SLC4A5: variants seen among roughly 807,000 people sequenced by gnomAD.
The protein encoded by SLC4A5 is electrogenic sodium bicarbonate cotransporter 4.
SLC4A5 carries 96 observed loss-of-function variants against 120.4 expected under a neutral mutation model. The ratio of observed to expected loss-of-function variants is 0.80; its 90% CI spans 0.68 to 0.94. The LOEUF (loss-of-function observed/expected upper bound fraction) is 0.94, where lower values mean the gene tolerates loss of function less well. Among genes scored for constraint, SLC4A5 ranks in the 40% least tolerant of loss-of-function variants. The pLI is 0.00. For synonymous variants in SLC4A5, 550 were observed against 571.1 expected, an observed-to-expected ratio of 0.96 and a Z score of 0.53; for missense variants, 1,259 against 1,459.5, an observed-to-expected ratio of 0.86 and a Z score of 2.24.
chr2:74,332,899 GTCC>G (rs1443270028), intron 4 of SLC4A5, among the ~76,000 whole-genome samples: 4 of 152,136 alleles, frequency 2.6e-5, no homozygotes, highest in African/African-American at 9.7e-5. Context: ...TCTGCTCCCT[GTCC>G]TCTGGCCTCC....
In SLC4A5 at chr2:74,255,719, G is replaced by A; in HGVS notation, c.1025+56C>T. ...CAGTCAACAGCACTGCTTGCTGACT[G>A]CACTGCTGACTGGCTACCTGAGAGT... On this transcript the variant is annotated intron_variant, in intron 13 of 30. Transcript: ENST00000394019. The surrounding 1 kb of genome is among the most constrained non-coding windows in gnomAD (Gnocchi z 4.0). The A allele has an allele frequency of 1.9e-6, 3 of 1,601,348 alleles. No individual in the cohort carries two copies. The highest frequency in any genetic ancestry group is 2.6e-6 in the Non-Finnish European group (3 of 1,170,678).
intron 3 of SLC4A5, among the ~76,000 whole-genome samples, chr2:74,334,959 T>C (rs1483533727): frequency 6.6e-6 from 1 of 150,834 alleles, no homozygotes; most frequent in Non-Finnish European, 1.5e-5. Context: ...TCCTAGCAGC[T>C]TGCAGGAGCA....
At chr2:74,256,708 G>A (rs187045634) in intron 12 of SLC4A5, among the ~76,000 whole-genome samples, 1 of 152,308 alleles carries the variant, frequency 6.6e-6, no homozygotes, top group Non-Finnish European at 1.5e-5. Context: ...CTTTTATGCT[G>A]AAGATACCCC....
intron 7 of SLC4A5, among the ~76,000 whole-genome samples, chr2:74,288,962 A>G (rs1355918075): frequency 6.6e-6 from 1 of 152,114 alleles, no homozygotes; most frequent in African/African-American, 2.4e-5. Context: ...CTGGACACTA[A>G]TGTCTTTCAT....
chr2:74,263,806 T>C (rs1454531171), intron 10 of SLC4A5, among the ~76,000 whole-genome samples: 2 of 152,220 alleles, frequency 1.3e-5, no homozygotes, highest in African/African-American at 4.8e-5. Flanking sequence ...GGGTGCATTC[T>C]AACTTCTCTT....
intron 1 of SLC4A5, among the ~76,000 whole-genome samples, chr2:74,342,964 C>A (rs1371760793): frequency 6.6e-6 from 1 of 152,126 alleles, no homozygotes; most frequent in Non-Finnish European, 1.5e-5. Context: ...AGAATATGCA[C>A]AGAGGTCTAA....
intron 2 of SLC4A5, among the ~76,000 whole-genome samples, chr2:74,341,304 C>T (rs1361995212): frequency 2.7e-5 from 2 of 74,332 alleles, no homozygotes; most frequent in Admixed American, 2.9e-4. Context: ...GACTCCATCT[C>T]AAAAAAAAAA....
intron 8 of SLC4A5, among the ~76,000 whole-genome samples, chr2:74,277,414 T>C (rs904515447): frequency 6.6e-6 from 1 of 151,924 alleles, no homozygotes. Flanking sequence ...TCAGGCATGG[T>C]GGTGGGCGCC....
rs1671962474 is a variant in SLC4A5, at chr2:74,285,767, C to T, written c.401+6G>A. The T allele has an allele frequency of 3.1e-6, 5 of 1,609,290 alleles. No homozygotes were observed. The East Asian group carries it at 1.1e-4, about 36-fold the overall frequency. On this transcript the variant is annotated splice_donor_region_variant and intron_variant, in intron 8 of 30. Coordinates refer to ENST00000394019, the Ensembl canonical transcript of SLC4A5. ...TGCCCACCTCCCTCGTGGGGCCCCG[C>T]CTCACCTGGCTGACTCCTTCCACTC...
rs970365128 is a variant in SLC4A5, at chr2:74,255,632, C to T, written c.1025+143G>A. 1 of 960,678 alleles carries T rather than the reference C, an allele frequency of 1.0e-6. No homozygotes were observed. Among genetic ancestry groups the T allele is most frequent in the Non-Finnish European group, 1.5e-6 (1 of 657,608 alleles). 59.5% of individuals were successfully genotyped at this position (960,678 alleles called of 1,614,324 possible). On this transcript the variant is annotated intron_variant, in intron 13 of 30. Transcript: ENST00000394019. The surrounding 1 kb of genome is among the most constrained non-coding windows in gnomAD (Gnocchi z 4.0). ...TTTTAATAAACTCTAAAACTCTTCC[C>T]TAGTCAGAAGATTTCCCTTCCCAGC...
chr2:74,230,046 G>A (rs1695006767), intron 25 of SLC4A5, among the ~76,000 whole-genome samples: 1 of 151,826 alleles, frequency 6.6e-6, no homozygotes, highest in South Asian at 2.1e-4. Flanking sequence ...AGAGATGGGG[G>A]TCTTGCTATG....
intron 28 of SLC4A5, among the ~76,000 whole-genome samples, chr2:74,223,899 C>A (rs113551571): frequency 1.3e-5 from 2 of 152,296 alleles, no homozygotes; most frequent in African/African-American, 4.8e-5. Flanking sequence ...TTGCCTTGAA[C>A]AGGTTTCATC....
chr2:74,284,222 TGC>T (rs1259538253), intron 8 of SLC4A5, among the ~76,000 whole-genome samples: 1 of 114,636 alleles, frequency 8.7e-6, no homozygotes, highest in Non-Finnish European at 1.6e-5. Context: ...CAGGTCGGAC[TGC>T]GGACTGCAGT....
chr2:74,225,233 A>C (rs1411576858), intron 27 of SLC4A5, among the ~76,000 whole-genome samples: 1 of 152,126 alleles, frequency 6.6e-6, no homozygotes, highest in Non-Finnish European at 1.5e-5. Flanking sequence ...AGAGGGACGG[A>C]GCCTGTGACA....
exon 28 of SLC4A5, chr2:74,224,898 T>G: frequency 6.2e-7 from 1 of 1,613,618 alleles, no homozygotes; most frequent in African/African-American, 1.3e-5. Flanking sequence ...GTCTGTCTCC[T>G]TTTTTTCCTT....
At chr2:74,274,811 T>C (rs1247723109) in intron 8 of SLC4A5, among the ~76,000 whole-genome samples, 1 of 152,210 alleles carries the variant, frequency 6.6e-6, no homozygotes, top group African/African-American at 2.4e-5. Context: ...CTTTGCATTC[T>C]CTCCTCATGG....
chr2:74,236,607 A>G (rs937020078), intron 21 of SLC4A5, among the ~76,000 whole-genome samples: 1 of 152,250 alleles, frequency 6.6e-6, no homozygotes, highest in African/African-American at 2.4e-5. Flanking sequence ...TAACAGCTTT[A>G]TATTATCATG....
chr2:74,326,255 A>G (rs1439627887), intron 5 of SLC4A5, among the ~76,000 whole-genome samples: 1 of 152,206 alleles, frequency 6.6e-6, no homozygotes, highest in East Asian at 1.9e-4. Flanking sequence ...ATATCTTGCC[A>G]AAGGAATTGT....
chr2:74,317,832 A>G (rs976874823), intron 5 of SLC4A5, among the ~76,000 whole-genome samples: 2 of 152,230 alleles, frequency 1.3e-5, no homozygotes, highest in African/African-American at 4.8e-5. Flanking sequence ...GGCTGCATCC[A>G]ATTGCCCACT....
Sources: gnomAD v4.1 joint callset for allele counts (sites outside exome capture counted in the v4.1 genomes callset) on GRCh38, gnomAD v4.1.1 for gene constraint, Gnocchi (gnomAD v3.1) non-coding constraint, MANE v1.5 for transcripts, NCBI Gene and HGNC (gene_info 2026-07-23, HGNC 2026-07-21) for gene names.